The following FGFR1 variants were observed in gnomAD, a reference collection of about 807,000 sequenced individuals.
FGFR1 encodes the protein FGFR1/PLAG1 fusion.
FGFR1 carries 18 observed loss-of-function variants against 93.7 expected under a neutral mutation model. The ratio of observed to expected loss-of-function variants is 0.19; its 90% CI spans 0.13 to 0.28. The LOEUF is 0.28. FGFR1 is among the 10% of genes least tolerant of loss of function. FGFR1 has a pLI of 1.00. For synonymous variants in FGFR1, 448 were observed against 429.3 expected (o/e 1.04, Z -0.54); for missense variants, 731 against 1,080.4 (o/e 0.68, Z 4.53).
rs2150508439 is a variant in FGFR1 at position 38,413,729 on chromosome 8, A to C, written c.2368T>G (p.Ser790Ala). 6.2e-7 allele frequency: 1 copy of C among 1,614,068 alleles called. No homozygotes were observed. Among genetic ancestry groups the C allele is most frequent in the Non-Finnish European group, 8.5e-7 (1 of 1,179,982 alleles). Residue 790 changes from serine to alanine, a missense_variant, in exon 18 of 18, where the codon TCA becomes GCA. By Grantham distance (99) the Ser-to-Ala change is moderately conservative (BLOSUM62 1). Transcript: ENST00000447712. This position sits in a 1 kb window ranked among gnomAD's most constrained non-coding sequence, Gnocchi z 4.2. Reference sequence around the variant, plus strand: ...TGAGAGAAGACGGAATCCTCCCCTGAGGAGCACGTAGAGCTCCGGGTGTCG... The same window carrying C: ...TGAGAGAAGACGGAATCCTCCCCTGCGGAGCACGTAGAGCTCCGGGTGTCG... ...FPDTRSSTCS[S>A]GEDSVFSHEP...
chr8:38,460,384 A>C (rs192720454), intron 1 of FGFR1, among the ~76,000 whole-genome samples: 2 of 152,292 alleles, frequency 1.3e-5, no homozygotes, highest in East Asian at 3.9e-4. Flanking sequence ...CCTGACCAAG[A>C]AAACCCAGGT....
intron 2 of FGFR1, among the ~76,000 whole-genome samples, chr8:38,432,247 G>A (rs1008772276): frequency 1.3e-5 from 2 of 151,950 alleles, no homozygotes; most frequent in African/African-American, 2.4e-5. Flanking sequence ...CTTCCTGCCC[G>A]TCCCAACCAG....
At chr8:38,456,497 T>C (rs550220873) in intron 2 of FGFR1, among the ~76,000 whole-genome samples, 1 of 152,012 alleles carries the variant, frequency 6.6e-6, no homozygotes, top group South Asian at 2.1e-4. Flanking sequence ...CCAAAGCAAA[T>C]CGCTTGGCAG....
At chr8:38,425,588 G>A (rs535317207) in intron 6 of FGFR1, among the ~76,000 whole-genome samples, 26 of 152,176 alleles carry the variant, frequency 1.7e-4, no homozygotes, top group Non-Finnish European at 3.1e-4. Context: ...GAAGGAAAAG[G>A]TTGCGGTAAT....
chr8:38,446,077 G>T (rs1427770363), intron 2 of FGFR1, among the ~76,000 whole-genome samples: 1 of 152,098 alleles, frequency 6.6e-6, no homozygotes, highest in Non-Finnish European at 1.5e-5. Flanking sequence ...TGAAAGCTGT[G>T]GCAGAGCAGG....
intron 2 of FGFR1, among the ~76,000 whole-genome samples, chr8:38,441,258 C>T (rs1396760277): frequency 6.6e-6 from 1 of 152,216 alleles, no homozygotes; most frequent in Non-Finnish European, 1.5e-5. Flanking sequence ...TGCACGGATT[C>T]ATCTGATGCC....
At position 38,429,600 on chromosome 8, in the gene FGFR1, G is replaced by A. The variant is rs1563512720; in HGVS notation, c.358+82C>T. The stretch of plus-strand genomic sequence containing the variant: ...GGGGGCAGATCACGGAGGGGGAGGA[G>A]GTTCACCTTCCTCTGAAACTGGCAG... On this transcript the variant is annotated intron_variant, in intron 3 of 17. Coordinates refer to ENST00000447712, the MANE Select transcript of FGFR1 (RefSeq NM_023110.3). This position sits in a 1 kb window ranked among gnomAD's most constrained non-coding sequence, Gnocchi z 4.4. The A allele has an allele frequency of 6.9e-7, 1 of 1,441,512 alleles. No homozygotes were observed. Among genetic ancestry groups the A allele is most frequent in the Non-Finnish European group, 9.5e-7 (1 of 1,055,816 alleles). 89.3% of individuals were successfully genotyped at this position (1,441,512 alleles called of 1,614,324 possible).
chr8:38,431,225 G>A (rs1822988015), intron 2 of FGFR1, among the ~76,000 whole-genome samples: 1 of 152,012 alleles, frequency 6.6e-6, no homozygotes, highest in Non-Finnish European at 1.5e-5. Context: ...ATTTTTTTCT[G>A]TCCAGCTCTC....
chr8:38,444,008 G>A (rs551818966), intron 2 of FGFR1, among the ~76,000 whole-genome samples: 6 of 126,940 alleles, frequency 4.7e-5, no homozygotes, highest in African/African-American at 1.8e-4. Flanking sequence ...AGCTGAGATC[G>A]CACCATTGCA....
intron 1 of FGFR1, chr8:38,463,371 T>C (rs113995863): frequency 0.012 from 2,209 of 192,048 alleles, 50 homozygotes; most frequent in African/African-American, 0.048. Flanking sequence ...TTGGGCCTTC[T>C]AGCTGGAGAA....
chr8:38,456,761 G>C (rs968014894), intron 2 of FGFR1, among the ~76,000 whole-genome samples: 8 of 152,064 alleles, frequency 5.3e-5, no homozygotes, highest in Non-Finnish European at 1.0e-4. Context: ...TGTAGAGATG[G>C]GGTCTCGCTA....
At chr8:38,418,045 TGA>T (rs2150662146) in intron 10 of FGFR1, 54 bp from the exon 11 acceptor site, 1 of 1,612,966 alleles carries the variant, frequency 6.2e-7, no homozygotes, top group Non-Finnish European at 8.5e-7. Context: ...GTTCAAACCT[TGA>T]GAGGCACCCC....
At chr8:38,464,275 A>ACAGCACTC in intron 1 of FGFR1, among the ~76,000 whole-genome samples, 1 of 144,068 alleles carries the variant, frequency 6.9e-6, no homozygotes, top group African/African-American at 2.6e-5. Context: ...AGATAGCGCC[A>ACAGCACTC]CAGCACTCCA....
intron 7 of FGFR1, chr8:38,422,867 C>G: frequency 1.7e-6 from 1 of 599,010 alleles, no homozygotes; most frequent in Non-Finnish European, 3.0e-6. Flanking sequence ...AATACCAAAC[C>G]AAACCAGCCT....
chr8:38,430,326 T>C (rs753235184), intron 2 of FGFR1: 5 of 223,992 alleles, frequency 2.2e-5, no homozygotes, highest in Non-Finnish European at 3.5e-5. Context: ...GCTCAGTTCT[T>C]TGCCAAGATT....
At chr8:38,465,875 C>G (rs1020015950) in intron 1 of FGFR1, 2 of 223,722 alleles carry the variant, frequency 8.9e-6, no homozygotes. Context: ...TAGGGCACAT[C>G]TGCGGAGGAA....
chr8:38,418,306 G>T lies in FGFR1; in HGVS notation c.1352C>A (p.Ser451Tyr), dbSNP rs374672119. The T allele has an allele frequency of 6.2e-7, 1 of 1,614,200 alleles. No individual in the cohort carries two copies. The highest frequency in any genetic ancestry group is 1.3e-5 in the African/African-American group (1 of 75,056). The change falls in exon 10 of 18, where the codon TCC becomes TAC. Residue 451 changes from serine (S) to tyrosine (Y), a missense_variant. Physicochemically the swap from Ser to Tyr is moderately radical, Grantham distance 144. Transcript: ENST00000447712. ...VLLVRPSRLSSSGTPMLAGVS... is the reference protein window; with the variant it reads ...VLLVRPSRLSYSGTPMLAGVS... ...CCCTGCTAGCATGGGAGTCCCACTG[G>T]AGGAGAGCCGTGATGGCCGAACCAG...
In FGFR1 at chr8:38,426,486, C is replaced by T. The variant is rs901485243; in HGVS notation, c.622-241G>A. 1.3e-5 allele frequency among the ~76,000 whole-genome samples: 2 copies of T among 152,236 alleles called. No individual in the cohort carries two copies. Among genetic ancestry groups the T allele is most frequent in the African/African-American group, 2.4e-5 (1 of 41,466 alleles). On this transcript the variant is annotated intron_variant, in intron 5 of 17. Coordinates refer to ENST00000447712, the MANE Select transcript of FGFR1 (RefSeq NM_023110.3). This position sits in a 1 kb window ranked among gnomAD's most constrained non-coding sequence, Gnocchi z 4.1. ...CTCCACTGTGACGTTCAAGATCATTCGTGATCCGGACAGATGTGCCTTCTG... is the reference window on the plus strand; with the variant it reads ...CTCCACTGTGACGTTCAAGATCATTTGTGATCCGGACAGATGTGCCTTCTG...
intron 5 of FGFR1, 71 bp downstream of exon 5, chr8:38,427,848 CAT>C: frequency 6.5e-7 from 1 of 1,534,144 alleles, no homozygotes; most frequent in Non-Finnish European, 9.0e-7. Flanking sequence ...AAATGAAAAG[CAT>C]GTAATCAGGA....
Sources: allele counts gnomAD v4.1 joint callset (sites outside exome capture counted in the v4.1 genomes callset), GRCh38; gene constraint gnomAD v4.1.1; non-coding constraint Gnocchi (gnomAD v3.1); transcripts MANE v1.5; gene names NCBI Gene and HGNC (gene_info 2026-07-23, HGNC 2026-07-21).